FBLIM1: variants seen among roughly 807,000 people sequenced by gnomAD.
The protein encoded by FBLIM1 is filamin-binding LIM protein 1.
In FBLIM1, 29 loss-of-function variants were observed where a neutral mutation model predicts 37.4. The ratio of observed to expected loss-of-function variants is 0.77; its 90% CI spans 0.58 to 1.06. The LOEUF is 1.06. FBLIM1 is among the 50% of genes least tolerant of loss of function. The probability of loss-of-function intolerance (pLI) is 0.00; values close to 1 mark genes in which losing one functional copy is unlikely to be tolerated. For missense variants in FBLIM1, 449 were observed against 505.6 expected, an observed-to-expected ratio of 0.89 and a Z score of 1.07; for synonymous variants, 193 against 199.0, an observed-to-expected ratio of 0.97 and a Z score of 0.25.
intron 1 of FBLIM1, among the ~76,000 whole-genome samples, chr1:15,764,240 G>A (rs1232030010): frequency 2.0e-5 from 3 of 152,238 alleles, no homozygotes; most frequent in African/African-American, 7.2e-5. Flanking sequence ...CCCTGGACAG[G>A]TGACTTCTCT....
Position 15,772,556 on chromosome 1 carries a change from A to G in FBLIM1, c.711+1978A>G, listed in dbSNP as rs76134231. On this transcript the variant is annotated intron_variant, in intron 6 of 8. Coordinates refer to ENST00000375766, the MANE Select transcript of FBLIM1 (RefSeq NM_017556.4). ...GCCAGGAAGGAGAGACAGCATGTCC[A>G]GGAGAAAAGGTGGAAAGGCTAGAGG... Among the ~76,000 whole-genome samples the G allele has an allele frequency of 2.0e-3, 305 of 152,322 alleles. 2 individuals carry two copies. Among genetic ancestry groups the G allele is most frequent in the South Asian group, 0.012 (58 of 4,826 alleles).
At chr1:15,768,656 C>G in intron 5 of FBLIM1, 26 bp downstream of exon 5, 1 of 1,566,280 alleles carries the variant, frequency 6.4e-7, no homozygotes, top group Non-Finnish European at 8.6e-7. Flanking sequence ...TGAGAGGATA[C>G]TGGGGTGATC....
intron 1 of FBLIM1, among the ~76,000 whole-genome samples, 187 bp downstream of exon 1, chr1:15,759,035 G>A (rs899295243): frequency 1.5e-4 from 23 of 152,068 alleles, no homozygotes; most frequent in African/African-American, 5.6e-4. Context: ...CAGTCTCTTG[G>A]TCTCTCTCCC....
intron 6 of FBLIM1, among the ~76,000 whole-genome samples, chr1:15,771,491 C>G (rs1308347591): frequency 2.6e-5 from 4 of 152,032 alleles, no homozygotes; most frequent in African/African-American, 9.7e-5. Context: ...AAGGAATCCA[C>G]CCCCTCGGCC....
At chr1:15,776,171 A>C (rs900383908) in intron 7 of FBLIM1, among the ~76,000 whole-genome samples, 1 of 152,004 alleles carries the variant, frequency 6.6e-6, no homozygotes, top group Non-Finnish European at 1.5e-5. Flanking sequence ...TAATCCCAGC[A>C]CTTTGGGAGG....
intron 6 of FBLIM1, 109 bp from the exon 7 acceptor site, chr1:15,774,509 T>C (rs2069392010): frequency 1.4e-6 from 2 of 1,430,934 alleles, no homozygotes; most frequent in Non-Finnish European, 1.9e-6. Flanking sequence ...AGGCCTCTCC[T>C]GTACTTCCCA....
chr1:15,764,794 C>A, intron 2 of FBLIM1, 109 bp downstream of exon 2: 1 of 830,978 alleles, frequency 1.2e-6, no homozygotes, highest in Non-Finnish European at 1.9e-6. Flanking sequence ...CTGTCTTCCC[C>A]AGCAGGACAC....
intron 7 of FBLIM1, chr1:15,775,043 C>T (rs2069428841): frequency 1.4e-6 from 1 of 733,350 alleles, no homozygotes; most frequent in Admixed American, 3.0e-5. Context: ...ATGGTGAAAC[C>T]CCGTCTCTAC....
chr1:15,777,572 ATT>A (rs35178526), intron 8 of FBLIM1, among the ~76,000 whole-genome samples: 23 of 121,564 alleles, frequency 1.9e-4, no homozygotes, highest in Admixed American at 1.8e-4. Context: ...GACTCTCTCC[ATT>A]TTTTTTTTTT....
chr1:15,779,277 G>A (rs566485841), intron 8 of FBLIM1, among the ~76,000 whole-genome samples: 2 of 151,752 alleles, frequency 1.3e-5, no homozygotes, highest in South Asian at 4.2e-4. Context: ...CTTAGAAATT[G>A]TCTCTTTTAA....
intron 5 of FBLIM1, 33 bp downstream of exon 5, chr1:15,768,663 G>T (rs778528655): frequency 6.5e-7 from 1 of 1,543,982 alleles, no homozygotes; most frequent in South Asian, 1.2e-5. Flanking sequence ...ATACTGGGGT[G>T]ATCTCATGGG....
intron 6 of FBLIM1, among the ~76,000 whole-genome samples, chr1:15,773,636 G>A (rs745726913): frequency 4.2e-5 from 6 of 142,518 alleles, no homozygotes; most frequent in South Asian, 2.2e-4. Context: ...CCAAGATTGC[G>A]CCACTGCACT....
chr1:15,763,661 A>G (rs1445877719), intron 1 of FBLIM1, among the ~76,000 whole-genome samples: 2 of 151,722 alleles, frequency 1.3e-5, no homozygotes, highest in Middle Eastern at 3.2e-3. Flanking sequence ...ATAAAAAAAG[A>G]CAGAGTCTCG....
rs1193440967 is a variant in FBLIM1 at position 15,786,507 on chromosome 1, C to T, written c.*1846C>T. ...TTCTGACTTTAGCCTCGTGCTGAGC[C>T]GTGTATCCATGCAGTCATGTTCACG... On this transcript the variant is annotated 3_prime_UTR_variant, in exon 9 of 9. Coordinates refer to ENST00000375766, the MANE Select transcript of FBLIM1 (RefSeq NM_017556.4). 2.0e-5 allele frequency: 3 copies of T among 152,234 alleles called. No individual in the cohort carries two copies. Among genetic ancestry groups the T allele is most frequent in the Admixed American group, 1.3e-4 (2 of 15,278 alleles). 9.4% of individuals were successfully genotyped at this position (152,234 alleles called of 1,614,324 possible). A position where few individuals can be genotyped will look rare whatever the true frequency, so the allele number is the denominator to read the frequency against.
intron 8 of FBLIM1, among the ~76,000 whole-genome samples, chr1:15,782,218 C>A (rs1557707469): frequency 6.6e-6 from 1 of 151,082 alleles, no homozygotes; most frequent in South Asian, 2.1e-4. Flanking sequence ...TCGAAGCCAG[C>A]CTGCGCAGTA....
Position 15,764,803 on chromosome 1 carries a change from AC to A in FBLIM1, c.-21+123del, listed in dbSNP as rs143919071. 1,902 of 874,638 alleles carry A rather than the reference AC, an allele frequency of 2.2e-3. 29 individuals carry two copies. In the African/African-American group the frequency reaches 0.03, roughly 14 times the overall value. 54.2% of individuals were successfully genotyped at this position (874,638 alleles called of 1,614,324 possible). A position where few individuals can be genotyped will look rare whatever the true frequency, so the allele number is the denominator to read the frequency against. On this transcript the variant is annotated intron_variant, in intron 2 of 8. Transcript: ENST00000375766. ...TGGGTCCTGTCTTCCCCAGCAGGAC[AC>A]CCCCACCCCTTCTCTGGCTGGGCTG...
intron 8 of FBLIM1, among the ~76,000 whole-genome samples, chr1:15,784,152 G>A (rs1179516159): frequency 2.6e-5 from 4 of 152,212 alleles, no homozygotes; most frequent in Non-Finnish European, 1.5e-5. Context: ...CTGCACTCCA[G>A]CCTGGGCGAC....
chr1:15,775,540 A>C (rs1469676540), intron 7 of FBLIM1, among the ~76,000 whole-genome samples: 1 of 151,790 alleles, frequency 6.6e-6, no homozygotes, highest in Non-Finnish European at 1.5e-5. Flanking sequence ...GTCTCAAAAA[A>C]AAAAAAAAAG....
rs1393236922 is a variant in FBLIM1, at chr1:15,765,540, C to T, written c.250+307C>T. On this transcript the variant is annotated intron_variant, in intron 3 of 8. Transcript: ENST00000375766. The surrounding 1 kb of genome is among the most constrained non-coding windows in gnomAD (Gnocchi z 5.9). ...TCACTGGTCAGCATGGCTGGCTGGC[C>T]GTTTCGTCTGCCAATTTAATACCCT... Among the ~76,000 whole-genome samples, 22 of 151,926 alleles carry T rather than the reference C, an allele frequency of 1.4e-4. No homozygotes were observed. The highest frequency in any genetic ancestry group is 1.5e-5 in the Non-Finnish European group (1 of 67,966).
Sources: allele counts gnomAD v4.1 joint callset (sites outside exome capture counted in the v4.1 genomes callset), GRCh38; gene constraint gnomAD v4.1.1; non-coding constraint Gnocchi (gnomAD v3.1); transcripts MANE v1.5; gene names NCBI Gene and HGNC (gene_info 2026-07-23, HGNC 2026-07-21).